RAD51AP1: variants seen among roughly 807,000 people sequenced by gnomAD.
The protein encoded by RAD51AP1 is RAD51-associated protein 1.
A neutral mutation model predicts 34.3 loss-of-function variants in RAD51AP1; 14 were observed. The ratio of observed to expected loss-of-function variants is 0.41; its 90% CI spans 0.27 to 0.64. The LOEUF (loss-of-function observed/expected upper bound fraction) is 0.64, where lower values mean the gene tolerates loss of function less well. Ranked by LOEUF, RAD51AP1 falls within the 30% of genes least tolerant of loss-of-function variation. RAD51AP1 has a pLI of 0.33. For synonymous variants in RAD51AP1, 114 were observed against 129.8 expected (o/e 0.88, Z 0.83); for missense variants, 348 against 386.9 (o/e 0.90, Z 0.84).
At chr12:4,544,012 C>T in intron 3 of RAD51AP1, 108 bp downstream of exon 3, 1 of 863,266 alleles carries the variant, frequency 1.2e-6, no homozygotes, top group Non-Finnish European at 1.6e-6. Flanking sequence ...AGTCATAGGT[C>T]TTATTTTACT....
chr12:4,555,213 A>G (rs1280836300), intron 7 of RAD51AP1, among the ~76,000 whole-genome samples: 3 of 152,112 alleles, frequency 2.0e-5, no homozygotes, highest in Non-Finnish European at 2.9e-5. Context: ...GAACCAAAAC[A>G]TACTTCCAGG....
chr12:4,541,955 T>C, intron 2 of RAD51AP1, 22 bp downstream of exon 2: 1 of 1,474,750 alleles, frequency 6.8e-7, no homozygotes, highest in African/African-American at 1.4e-5. Flanking sequence ...TTCTTATTTT[T>C]GTTCTAAAGA....
At chr12:4,543,280 T>G (rs1468668928) in intron 2 of RAD51AP1, among the ~76,000 whole-genome samples, 1 of 152,162 alleles carries the variant, frequency 6.6e-6, no homozygotes, top group African/African-American at 2.4e-5. Flanking sequence ...AGGCTGGTCT[T>G]GAACTCGTGA....
At chr12:4,546,491 T>G in intron 4 of RAD51AP1, 73 bp downstream of exon 4, 2 of 1,070,710 alleles carry the variant, frequency 1.9e-6, no homozygotes, top group Non-Finnish European at 2.8e-6. Flanking sequence ...TGGGTGGGCC[T>G]TCACAGAGGA....
intron 3 of RAD51AP1, among the ~76,000 whole-genome samples, chr12:4,544,915 C>A (rs566481341): frequency 6.6e-6 from 1 of 152,044 alleles, no homozygotes; most frequent in South Asian, 2.1e-4. Context: ...TGACTTAATA[C>A]AAAAGACAAG....
Position 4,548,135 on chromosome 12 carries a change from G to C in RAD51AP1, c.363G>C (p.Lys121Asn), listed in dbSNP as rs1247301681. ...GTAGTAAAATAGAAACAATGAATAAGTCTCCTCATATCTCTAATTGCAGTG... is the reference window on the plus strand; with the variant it reads ...GTAGTAAAATAGAAACAATGAATAACTCTCCTCATATCTCTAATTGCAGTG... Reference protein sequence around the residue: ...HGSSKIETMNKSPHISNCSVA... With the variant: ...HGSSKIETMNNSPHISNCSVA... Residue 121 changes from lysine to asparagine, a missense_variant, in exon 5 of 9, where the codon AAG (lysine) becomes AAC (asparagine). By Grantham distance (94) the Lys-to-Asn change is moderately conservative. Transcript: ENST00000352618. 1.2e-6 allele frequency: 2 copies of C among 1,601,808 alleles called. No individual in the cohort carries two copies. Among genetic ancestry groups the C allele is most frequent in the Non-Finnish European group, 1.7e-6 (2 of 1,177,106 alleles).
At chr12:4,549,876 T>C (rs886365588) in intron 6 of RAD51AP1, among the ~76,000 whole-genome samples, 2 of 152,194 alleles carry the variant, frequency 1.3e-5, no homozygotes, top group African/African-American at 4.8e-5. Context: ...CCAAAACGAT[T>C]GAAAGCAGGA....
intron 4 of RAD51AP1, 26 bp downstream of exon 4, chr12:4,546,444 C>CATTAAGAAGGT: frequency 1.3e-6 from 2 of 1,486,668 alleles, no homozygotes; most frequent in Non-Finnish European, 9.3e-7. Flanking sequence ...GTATATTTAG[C>CATTAAGAAGGT]TTTAAAACCT....
In RAD51AP1 at chr12:4,558,875, G is replaced by A. The variant is rs777039748; in HGVS notation, c.890G>A (p.Arg297Lys). Residue 297 changes from arginine to lysine, a missense_variant, in exon 9 of 9, where the codon AGA becomes AAA. Physicochemically the swap from Arg to Lys is conservative, Grantham distance 26. Coordinates refer to ENST00000352618, the MANE Select transcript of RAD51AP1 (RefSeq NM_006479.5). The part of the protein sequence containing the change: ...WVPPAASGGS[R>K]SSSSPLVVVS... The stretch of plus-strand genomic sequence containing the variant: ...CTTTCAGCGGCATCTGGAGGTAGCA[G>A]AAGTAGCAGCAGCCCACTGGTGGTA... 12 of 1,614,086 alleles carry A rather than the reference G, an allele frequency of 7.4e-6. No homozygotes were observed. The highest frequency in any genetic ancestry group is 1.0e-5 in the Non-Finnish European group (12 of 1,179,982).
chr12:4,542,360 T>G (rs1316305004), intron 2 of RAD51AP1, among the ~76,000 whole-genome samples: 1 of 152,250 alleles, frequency 6.6e-6, no homozygotes, highest in Non-Finnish European at 1.5e-5. Flanking sequence ...ATATGTTTAC[T>G]TGACTCTGCT....
intron 8 of RAD51AP1, among the ~76,000 whole-genome samples, chr12:4,556,866 G>A (rs1944586569): frequency 1.3e-5 from 2 of 152,162 alleles, no homozygotes; most frequent in African/African-American, 4.8e-5. Context: ...CAAATCTTTT[G>A]CTCAGGACCT....
At chr12:4,548,281 T>C (rs1202157613) in intron 5 of RAD51AP1, 103 bp downstream of exon 5, 3 of 1,443,084 alleles carry the variant, frequency 2.1e-6, no homozygotes, top group Non-Finnish European at 2.8e-6. Context: ...TTTAAATTTG[T>C]CAAGACTCTC....
chr12:4,555,359 C>T (rs555894294), intron 7 of RAD51AP1, among the ~76,000 whole-genome samples: 1 of 152,214 alleles, frequency 6.6e-6, no homozygotes, highest in Non-Finnish European at 1.5e-5. Context: ...GTGCTGTTTT[C>T]CTTCTATTCT....
chr12:4,549,923 G>C (rs1453240339), intron 6 of RAD51AP1, among the ~76,000 whole-genome samples: 3 of 152,174 alleles, frequency 2.0e-5, no homozygotes. Context: ...GTTCATAGCA[G>C]CATTATTCAT....
intron 6 of RAD51AP1, among the ~76,000 whole-genome samples, chr12:4,549,370 A>G (rs1004602722): frequency 2.0e-5 from 3 of 152,236 alleles, no homozygotes; most frequent in African/African-American, 7.2e-5. Flanking sequence ...ACATTATAAC[A>G]TATTAATTAA....
In RAD51AP1 at chr12:4,558,969, G is replaced by A. The variant is rs375854369; in HGVS notation, c.984G>A (p.Leu328=). 3.1e-6 allele frequency: 5 copies of A among 1,614,094 alleles called. No homozygotes were observed. The highest frequency in any genetic ancestry group is 1.3e-5 in the African/African-American group (1 of 75,028). ...CCAGATTAGCACGAGTTAAACCTTT[G>A]CATCCAAATGCCACTAGCACCTGAG... The part of the protein sequence containing the change: ...GLSRLARVKP[L]HPNATST Residue 328 remains leucine, a synonymous_variant, in exon 9 of 9, where the codon TTG becomes TTA. Transcript: ENST00000352618.
At chr12:4,542,825 G>A (rs1445515776) in intron 2 of RAD51AP1, among the ~76,000 whole-genome samples, 1 of 152,206 alleles carries the variant, frequency 6.6e-6, no homozygotes, top group Admixed American at 6.5e-5. Context: ...AACTACAACA[G>A]TTCAGAGGAT....
intron 1 of RAD51AP1, among the ~76,000 whole-genome samples, chr12:4,540,114 T>A (rs78024958): frequency 0.036 from 5,518 of 152,148 alleles, 335 homozygotes; most frequent in African/African-American, 0.12. Flanking sequence ...GATGTACAGG[T>A]AAGGGAAAGA....
At position 4,553,101 on chromosome 12, in the gene RAD51AP1, A is replaced by G. The variant is rs773580153; in HGVS notation, c.675A>G (p.Pro225=). 14 of 1,596,754 alleles carry G rather than the reference A, an allele frequency of 8.8e-6. No homozygotes were observed. Among genetic ancestry groups the G allele is most frequent in the Non-Finnish European group, 1.1e-5 (13 of 1,171,598 alleles). ...AGAAAGAAGTGAAGGTAAAATCCCC[A>G]GTAGAAAAGAAAGAGAAGAAATCTA... ...IKKKEVKVKS[P]VEKKEKKSKS... The change falls in exon 7 of 9, where the codon CCA becomes CCG. Residue 225 remains proline, a synonymous_variant. Coordinates refer to ENST00000352618, the MANE Select transcript of RAD51AP1 (RefSeq NM_006479.5).
Sources: gnomAD v4.1 joint callset for allele counts (sites outside exome capture counted in the v4.1 genomes callset) on GRCh38, gnomAD v4.1.1 for gene constraint, MANE v1.5 for transcripts, NCBI Gene and HGNC (gene_info 2026-07-23, HGNC 2026-07-21) for gene names.